NAA50: variants seen among roughly 807,000 people sequenced by gnomAD.
The protein encoded by NAA50 is N-alpha-acetyltransferase 50, NatE catalytic subunit, also known as N-alpha-acetyltransferase 50.
NAA50 carries 7 observed loss-of-function variants against 20.7 expected under a neutral mutation model. The ratio of observed to expected loss-of-function variants is 0.34; its 90% CI spans 0.19 to 0.63. NAA50 has a LOEUF of 0.63. Ranked by LOEUF, NAA50 falls within the 30% of genes least tolerant of loss-of-function variation. The probability of loss-of-function intolerance (pLI) is 0.75; values close to 1 mark genes in which losing one functional copy is unlikely to be tolerated. For synonymous variants in NAA50, 54 were observed against 70.6 expected, an observed-to-expected ratio of 0.77 and a Z score of 1.18; for missense variants, 111 against 199.1, an observed-to-expected ratio of 0.56 and a Z score of 2.66.
intron 1 of NAA50, chr3:113,741,105 G>C (rs1708407821): frequency 1.8e-6 from 1 of 548,022 alleles, no homozygotes. Flanking sequence ...AGAAAGTTAT[G>C]TGGATGACTA....
At chr3:113,729,891 T>G (rs182500602) in intron 1 of NAA50, among the ~76,000 whole-genome samples, 42 of 152,328 alleles carry the variant, frequency 2.8e-4, no homozygotes, top group Admixed American at 2.0e-3. Flanking sequence ...TTTCATGTTC[T>G]ATCTTTTACC....
intron 3 of NAA50, among the ~76,000 whole-genome samples, 191 bp downstream of exon 3, chr3:113,723,231 G>C (rs1244297816): frequency 6.6e-6 from 1 of 152,122 alleles, no homozygotes; most frequent in Non-Finnish European, 1.5e-5. Flanking sequence ...GACGTAAACA[G>C]CAAATCTATG....
intron 1 of NAA50, among the ~76,000 whole-genome samples, chr3:113,740,183 T>C (rs1708395545): frequency 6.6e-6 from 1 of 152,194 alleles, no homozygotes; most frequent in Non-Finnish European, 1.5e-5. Flanking sequence ...ATAAAACTTA[T>C]TTTACCTTAA....
intron 1 of NAA50, among the ~76,000 whole-genome samples, chr3:113,727,925 G>A (rs1708219476): frequency 1.3e-5 from 2 of 152,066 alleles, no homozygotes; most frequent in South Asian, 4.1e-4. Context: ...TTCAAATATA[G>A]TTTAACTCTC....
intron 1 of NAA50, among the ~76,000 whole-genome samples, chr3:113,737,925 C>T (rs1708367710): frequency 6.6e-6 from 1 of 152,094 alleles, no homozygotes; most frequent in Admixed American, 6.5e-5. Context: ...GTAAAAGGGG[C>T]TGGGCATGGT....
At position 113,724,066 on chromosome 3, in the gene NAA50, G is replaced by A; in HGVS notation, c.38C>T (p.Pro13Leu). 1 of 1,598,242 alleles carries A rather than the reference G, an allele frequency of 6.3e-7. No individual in the cohort carries two copies. The highest frequency in any genetic ancestry group is 8.5e-7 in the Non-Finnish European group (1 of 1,172,244). The change falls in exon 2 of 5, where the codon CCA (proline) becomes CTA (leucine). Residue 13 changes from proline to leucine, a missense_variant. By Grantham distance (98) the Pro-to-Leu change is moderately conservative (BLOSUM62 -3). Transcript: ENST00000240922. ...TCTTTTCAACTGTTTAATATTGTGT[G>A]GTGTCACATCTCCCAGCTCGATCCG... ...GSRIELGDVT[P>L]HNIKQLKRLN...
At chr3:113,733,342 T>C (rs1157014244) in intron 1 of NAA50, among the ~76,000 whole-genome samples, 4 of 151,842 alleles carry the variant, frequency 2.6e-5, no homozygotes, top group Non-Finnish European at 5.9e-5. Context: ...CTACTCAATT[T>C]TTTTTTTTAA....
Position 113,726,219 on chromosome 3 carries a change from A to G in NAA50, c.9-2124T>C, listed in dbSNP as rs144676550. The stretch of plus-strand genomic sequence containing the variant: ...TAGTAAAAGGGTAAGAGATTTATAT[A>G]TTTAAAAAACCCCTCAGCACCATAG... On this transcript the variant is annotated intron_variant, in intron 1 of 4. Coordinates refer to ENST00000240922, the MANE Select transcript of NAA50 (RefSeq NM_025146.4). Among the ~76,000 whole-genome samples, 696 of 152,316 alleles carry G rather than the reference A, an allele frequency of 4.6e-3. 15 individuals carry two copies. The highest frequency in any genetic ancestry group is 0.034 in the Admixed American group (514 of 15,298).
intron 4 of NAA50, among the ~76,000 whole-genome samples, chr3:113,722,457 C>T (rs1330126905): frequency 6.6e-6 from 1 of 152,102 alleles, no homozygotes; most frequent in Non-Finnish European, 1.5e-5. Flanking sequence ...TTAGTCATAA[C>T]TCTTTATCTA....
At chr3:113,721,990 T>C in intron 4 of NAA50, 53 bp from the exon 5 acceptor site, 1 of 1,524,546 alleles carries the variant, frequency 6.6e-7, no homozygotes, top group Non-Finnish European at 8.9e-7. Context: ...TTTCATCAAG[T>C]TTTAAGCATT....
chr3:113,740,517 C>A (rs1013448438), intron 1 of NAA50, among the ~76,000 whole-genome samples: 4 of 127,700 alleles, frequency 3.1e-5, no homozygotes, highest in Non-Finnish European at 6.8e-5. Flanking sequence ...CAGGCACACA[C>A]CACCATACCC....
chr3:113,741,254 T>A (rs545406231), intron 1 of NAA50: 5 of 394,570 alleles, frequency 1.3e-5, no homozygotes, highest in South Asian at 4.4e-5. Context: ...ACTGCAGACA[T>A]CTTACCCGGG....
intron 2 of NAA50, chr3:113,723,746 T>A (rs1171917239): frequency 1.3e-6 from 1 of 795,820 alleles, no homozygotes; most frequent in African/African-American, 1.7e-5. Flanking sequence ...CACACAGGTA[T>A]ACACTAAGAA....
At chr3:113,731,378 C>A (rs920242802) in intron 1 of NAA50, among the ~76,000 whole-genome samples, 2 of 152,122 alleles carry the variant, frequency 1.3e-5, no homozygotes, top group Non-Finnish European at 2.9e-5. Context: ...CTCAAGATCA[C>A]AAAGATTTTT....
At chr3:113,732,513 G>A (rs1181677105) in intron 1 of NAA50, among the ~76,000 whole-genome samples, 2 of 152,148 alleles carry the variant, frequency 1.3e-5, no homozygotes, top group Non-Finnish European at 2.9e-5. Context: ...GCTGTCAGCA[G>A]GGCCATGTTC....
intron 1 of NAA50, among the ~76,000 whole-genome samples, chr3:113,743,361 A>T (rs988902605): frequency 3.9e-5 from 6 of 152,232 alleles, no homozygotes; most frequent in African/African-American, 1.4e-4. Context: ...AATACTTAGC[A>T]AATAAAATTT....
intron 1 of NAA50, among the ~76,000 whole-genome samples, chr3:113,741,965 T>G (rs1708422138): frequency 6.6e-6 from 1 of 152,184 alleles, no homozygotes; most frequent in African/African-American, 2.4e-5. Flanking sequence ...GAAATAAATT[T>G]TATTATAAAT....
intron 1 of NAA50, among the ~76,000 whole-genome samples, chr3:113,733,853 C>CAAAAAAAAAAAAAAAA (rs58431115): frequency 7.3e-5 from 5 of 68,484 alleles, no homozygotes; most frequent in African/African-American, 3.1e-4. Context: ...ACTCTGTCTC[C>CAAAAAAAAAAAAAAAA]AAAAAAAAAA....
chr3:113,745,774 A>AGCCTC, intron 1 of NAA50, 168 bp downstream of exon 1: 1 of 807,614 alleles, frequency 1.2e-6, no homozygotes, highest in Non-Finnish European at 1.8e-6. Flanking sequence ...CAACAGCCCG[A>AGCCTC]GCCTCGCCTC....
Sources: gnomAD v4.1 joint callset for allele counts (sites outside exome capture counted in the v4.1 genomes callset) on GRCh38, gnomAD v4.1.1 for gene constraint, MANE v1.5 for transcripts, NCBI Gene and HGNC (gene_info 2026-07-23, HGNC 2026-07-21) for gene names.